Variants in GLG1 observed in about 807,000 individuals in gnomAD.
GLG1 encodes the protein Golgi apparatus protein 1.
Under a neutral mutation model 160.5 loss-of-function variants are expected in GLG1, and 38 were observed. That is an observed-to-expected ratio of 0.24 (90% CI 0.18 to 0.31). The LOEUF is 0.31. GLG1 is among the 10% of genes least tolerant of loss of function. GLG1 has a pLI of 1.00. For synonymous variants in GLG1, 644 were observed against 543.4 expected, an observed-to-expected ratio of 1.19 and a Z score of -2.57; for missense variants, 1,373 against 1,505.2, an observed-to-expected ratio of 0.91 and a Z score of 1.45.
chr16:74,576,018 G>A (rs563005981), intron 1 of GLG1, among the ~76,000 whole-genome samples: 1 of 152,162 alleles, frequency 6.6e-6, no homozygotes, highest in South Asian at 2.1e-4. Context: ...TGGCCAATGT[G>A]GTGAAACCCT....
chr16:74,580,671 A>T (rs1957918552), intron 1 of GLG1, among the ~76,000 whole-genome samples: 1 of 152,234 alleles, frequency 6.6e-6, no homozygotes, highest in Admixed American at 6.5e-5. Context: ...AAAATGATAA[A>T]GTAAACTACA....
rs968379307 is a variant in GLG1 at position 74,606,864 on chromosome 16, C to T, written c.231G>A (p.Gln77=). 2.9e-5 allele frequency: 46 copies of T among 1,598,074 alleles called. No homozygotes were observed. The highest frequency in any genetic ancestry group is 3.7e-5 in the Non-Finnish European group (44 of 1,173,672). The change falls in exon 1 of 26, where the codon CAG becomes CAA. Residue 77 remains glutamine, a synonymous_variant. Coordinates refer to ENST00000422840, the MANE Select transcript of GLG1 (RefSeq NM_001145667.2). ...PQSSQLQQQQ[Q]QQQQQQQPQP... ...GAGGCTGCTGTTGCTGTTGCTGCTG[C>T]TGCTGTTGCTGCTGAAGCTGCGATG...
At chr16:74,581,126 T>C (rs1957928939) in intron 1 of GLG1, among the ~76,000 whole-genome samples, 1 of 152,184 alleles carries the variant, frequency 6.6e-6, no homozygotes, top group African/African-American at 2.4e-5. Context: ...TATGACCTAG[T>C]AATTCCACTA....
At chr16:74,496,273 T>C (rs9933723) in intron 5 of GLG1, among the ~76,000 whole-genome samples, 168 bp downstream of exon 5, 322 of 151,766 alleles carry the variant, frequency 2.1e-3, no homozygotes, top group African/African-American at 7.5e-3. Context: ...GTCTCAAAAA[T>C]TGGGGAGGCT....
rs1336381615 is a variant in GLG1, at chr16:74,606,935, C to T, written c.160G>A (p.Gly54Arg). Reference protein sequence around the residue: ...ANFVSFVGQAGGGGPAGQQLP... With the variant: ...ANFVSFVGQARGGGPAGQQLP... Reference sequence around the variant, plus strand: ...TGCTGACCCGCCGGGCCGCCGCCTCCGGCCTGCCCTACGAAGGACACAAAG... The same window carrying T: ...TGCTGACCCGCCGGGCCGCCGCCTCTGGCCTGCCCTACGAAGGACACAAAG... The change falls in exon 1 of 26, where the codon GGA becomes AGA. Residue 54 changes from glycine to arginine, a missense_variant. By Grantham distance (125) the Gly-to-Arg change is moderately radical (BLOSUM62 -2). This residue lies in a region of GLG1 where 322 missense variants were observed against 254.6 expected (regional missense o/e 1.26). Coordinates refer to ENST00000422840, the MANE Select transcript of GLG1 (RefSeq NM_001145667.2). The T allele has an allele frequency of 5.6e-6, 9 of 1,608,336 alleles. No individual in the cohort carries two copies. The South Asian group carries it at 7.7e-5, about 14-fold the overall frequency.
chr16:74,465,530 C>T (rs960208614), intron 19 of GLG1, 146 bp downstream of exon 19: 5 of 761,970 alleles, frequency 6.6e-6, no homozygotes, highest in Non-Finnish European at 1.1e-5. Flanking sequence ...GGCCCAGGAA[C>T]CCGCAGGCTC....
At chr16:74,473,437 C>CTTT (rs11421713) in intron 13 of GLG1, among the ~76,000 whole-genome samples, 13,670 of 110,914 alleles carry the variant, frequency 0.12, 1,535 homozygotes, top group Non-Finnish European at 0.16. Context: ...TGGTCTTGAC[C>CTTT]TTTTTTTTTT....
chr16:74,513,089 C>T (rs754147522), intron 2 of GLG1, among the ~76,000 whole-genome samples: 18 of 151,884 alleles, frequency 1.2e-4, no homozygotes, highest in Non-Finnish European at 2.1e-4. Context: ...CATTGAATAC[C>T]GCAGTTCATA....
At chr16:74,470,962 G>A (rs2015188123) in intron 15 of GLG1, among the ~76,000 whole-genome samples, 1 of 151,578 alleles carries the variant, frequency 6.6e-6, no homozygotes. Context: ...TCACCATGTT[G>A]CTCAGGTTGG....
chr16:74,529,834 T>TG (rs1375607240), intron 2 of GLG1, among the ~76,000 whole-genome samples: 77 of 147,116 alleles, frequency 5.2e-4, no homozygotes, highest in Non-Finnish European at 9.9e-4. Context: ...TTTTTTTTTT[T>TG]GTGACGGAGT....
intron 1 of GLG1, among the ~76,000 whole-genome samples, chr16:74,535,667 T>C (rs1441905221): frequency 6.6e-6 from 1 of 152,206 alleles, no homozygotes; most frequent in African/African-American, 2.4e-5. Flanking sequence ...ACTTCTGGTC[T>C]CAAGTGATCT....
rs80043805 is a variant in GLG1, at chr16:74,502,115, G to A, written c.774+1416C>T. Among the ~76,000 whole-genome samples the A allele has an allele frequency of 9.7e-3, 1,474 of 152,244 alleles. 12 individuals are homozygous for A. The highest frequency in any genetic ancestry group is 0.016 in the Non-Finnish European group (1,088 of 68,010). ...CGCCTGCCAACCATGAACAAATAGA[G>A]GGCAAAGGGACAAATGGGTTTTATT... On this transcript the variant is annotated intron_variant, in intron 4 of 25. Coordinates refer to ENST00000422840, the MANE Select transcript of GLG1 (RefSeq NM_001145667.2).
intron 1 of GLG1, among the ~76,000 whole-genome samples, chr16:74,556,727 C>G (rs1353796000): frequency 2.0e-5 from 3 of 148,590 alleles, no homozygotes; most frequent in African/African-American, 7.4e-5. Flanking sequence ...GAGACAAGGT[C>G]TTGCTCTGTC....
intron 1 of GLG1, among the ~76,000 whole-genome samples, chr16:74,549,843 G>A (rs1256970304): frequency 2.0e-5 from 3 of 151,922 alleles, no homozygotes; most frequent in Non-Finnish European, 4.4e-5. Flanking sequence ...GCTGAGCGTG[G>A]TGGCTCACGC....
intron 5 of GLG1, 80 bp downstream of exon 5, chr16:74,496,361 A>C (rs2016186039): frequency 2.0e-6 from 2 of 1,001,448 alleles, no homozygotes; most frequent in African/African-American, 1.7e-5. Context: ...TCAAAAAACA[A>C]CACAATTAAA....
chr16:74,489,118 G>C (rs2143362703), intron 8 of GLG1, among the ~76,000 whole-genome samples: 1 of 152,214 alleles, frequency 6.6e-6, no homozygotes, highest in Non-Finnish European at 1.5e-5. Flanking sequence ...TCGAAATAAA[G>C]TCAAACCAGT....
intron 2 of GLG1, among the ~76,000 whole-genome samples, chr16:74,510,684 T>G (rs1345181130): frequency 6.6e-6 from 1 of 152,176 alleles, no homozygotes; most frequent in East Asian, 1.9e-4. Flanking sequence ...GATAGGCTAT[T>G]AGAAGAAACA....
chr16:74,514,412 G>A (rs1271130159), intron 2 of GLG1, among the ~76,000 whole-genome samples: 7 of 152,192 alleles, frequency 4.6e-5, no homozygotes, highest in African/African-American at 1.4e-4. Flanking sequence ...TACCCACAAA[G>A]GGAAGCCCAA....
intron 17 of GLG1, 139 bp from the exon 18 acceptor site, chr16:74,467,987 T>C: frequency 1.7e-6 from 1 of 589,422 alleles, no homozygotes; most frequent in Non-Finnish European, 3.0e-6. Flanking sequence ...AGCAAGAGAA[T>C]CAGGCTTTAC....
Sources: allele counts gnomAD v4.1 joint callset (sites outside exome capture counted in the v4.1 genomes callset), GRCh38; gene constraint gnomAD v4.1.1; regional missense constraint gnomAD v4.1.1; transcripts MANE v1.5; gene names NCBI Gene and HGNC (gene_info 2026-07-23, HGNC 2026-07-21).